ADGRG4: variants seen among roughly 807,000 people sequenced by gnomAD.
The protein encoded by ADGRG4 is adhesion G protein-coupled receptor G4, also known as G protein-coupled receptor 112.
Under a neutral mutation model 126.2 loss-of-function variants are expected in ADGRG4, and 122 were observed. The ratio of observed to expected loss-of-function variants is 0.97; its 90% CI spans 0.83 to 1.12. The LOEUF (loss-of-function observed/expected upper bound fraction) is 1.12. ADGRG4 is among the 50% of genes most tolerant of loss of function. ADGRG4 has a pLI of 0.00. For synonymous variants in ADGRG4, 943 were observed against 838.7 expected (o/e 1.12, Z -2.15); for missense variants, 2,481 against 2,251.8 (o/e 1.10, Z -2.06).
chrX:136,393,676 C>A, intron 18 of ADGRG4, 96 bp downstream of exon 18: 1 of 570,962 alleles, frequency 1.8e-6, no homozygotes, highest in Non-Finnish European at 3.0e-6. Flanking sequence ...ACTGTCTTAT[C>A]AGACCCTACA....
chrX:136,331,260 G>T (rs1161779184), intron 5 of ADGRG4, among the ~76,000 whole-genome samples: 1 of 112,031 alleles, frequency 8.9e-6, no homozygotes, highest in Non-Finnish European at 1.9e-5. Flanking sequence ...TGGACACTTA[G>T]GTTGCTTCCA....
chrX:136,376,727 G>GT (rs780353937), intron 15 of ADGRG4, among the ~76,000 whole-genome samples: 10 of 110,503 alleles, frequency 9.0e-5, no homozygotes, highest in African/African-American at 3.0e-4. Flanking sequence ...AAAAGATTGA[G>GT]TTTTTTATTT....
chrX:136,358,575 G>A (rs1000932522), intron 10 of ADGRG4, among the ~76,000 whole-genome samples: 25 of 112,104 alleles, frequency 2.2e-4, no homozygotes, highest in African/African-American at 7.8e-4. Flanking sequence ...TGAGGATCTT[G>A]CTGTAGAGGA....
intron 15 of ADGRG4, among the ~76,000 whole-genome samples, chrX:136,376,637 TG>T (rs1281226427): frequency 0.033 from 2,051 of 61,366 alleles, 23 homozygotes; most frequent in African/African-American, 0.061. Context: ...GGTATTGTAT[TG>T]TATTGTATTG....
chrX:136,309,982 AT>A (rs757584859), intron 4 of ADGRG4, among the ~76,000 whole-genome samples: 30 of 111,008 alleles, frequency 2.7e-4, no homozygotes, highest in Non-Finnish European at 5.5e-4. Context: ...CACAAACTCC[AT>A]TGGTTTTTGT....
intron 16 of ADGRG4, among the ~76,000 whole-genome samples, chrX:136,389,594 A>G (rs1386187339): frequency 8.9e-6 from 1 of 112,216 alleles, no homozygotes; most frequent in Non-Finnish European, 1.9e-5. Flanking sequence ...CATCCCATCT[A>G]TTCATTTTAC....
chrX:136,410,517 C>T (rs932870993), intron 23 of ADGRG4, among the ~76,000 whole-genome samples: 2 of 111,799 alleles, frequency 1.8e-5, no homozygotes, highest in African/African-American at 6.5e-5. Context: ...GGGTTAAGAC[C>T]TCTTTGATAC....
rs144553420 is a variant in ADGRG4, at chrX:136,412,324, A to C, written c.8995A>C (p.Ile2999Leu). 7.5e-5 allele frequency: 90 copies of C among 1,200,300 alleles called. No homozygotes were observed. Among genetic ancestry groups the C allele is most frequent in the Non-Finnish European group, 9.7e-5 (86 of 886,062 alleles). ...GGAGAGTGTGCGGGAGCAGTGGCAGATACACCTCTGCTGTGGGTGGTTGCG... is the reference window on the plus strand; with the variant it reads ...GGAGAGTGTGCGGGAGCAGTGGCAGCTACACCTCTGCTGTGGGTGGTTGCG... ...MKESVREQWQ[I>L]HLCCGWLRLD... The change falls in exon 24 of 26, where the codon ATA (isoleucine) becomes CTA (leucine). Residue 2999 changes from isoleucine (I) to leucine (L), a missense_variant. By Grantham distance (5) the Ile-to-Leu change is conservative. Transcript: ENST00000394143.
intron 5 of ADGRG4, among the ~76,000 whole-genome samples, chrX:136,342,253 T>C (rs1209275728): frequency 1.8e-5 from 2 of 112,026 alleles, no homozygotes; most frequent in East Asian, 5.6e-4. Flanking sequence ...ATTCTTACTT[T>C]CCAGTAGATA....
intron 4 of ADGRG4, among the ~76,000 whole-genome samples, chrX:136,317,020 A>G (rs2074808973): frequency 9.0e-6 from 1 of 111,676 alleles, no homozygotes; most frequent in South Asian, 3.8e-4. Context: ...CTATTTATTC[A>G]GTAAACAGCT....
chrX:136,346,294 C>T lies in ADGRG4; in HGVS notation c.2588C>T (p.Pro863Leu), dbSNP rs1288070711. Residue 863 changes from proline (P) to leucine (L), a missense_variant, in exon 6 of 26, where the codon CCA becomes CTA. By Grantham distance (98) the Pro-to-Leu change is moderately conservative (BLOSUM62 -3). Coordinates refer to ENST00000394143, the MANE Select transcript of ADGRG4 (RefSeq NM_153834.4). The part of the protein sequence containing the change: ...STIAAVAEVS[P>L]FSTMLEVTDE... Reference sequence around the variant, plus strand: ...ATAGCAGCAGTGGCTGAGGTTTCTCCATTTTCAACAATGCTGGAAGTGACA... The same window carrying T: ...ATAGCAGCAGTGGCTGAGGTTTCTCTATTTTCAACAATGCTGGAAGTGACA... The T allele has an allele frequency of 8.3e-7, 1 of 1,209,305 alleles. No individual in the cohort carries two copies. Among genetic ancestry groups the T allele is most frequent in the Non-Finnish European group, 1.1e-6 (1 of 894,567 alleles).
intron 5 of ADGRG4, among the ~76,000 whole-genome samples, chrX:136,341,990 A>G (rs190406642): frequency 2.5e-3 from 278 of 112,094 alleles, no homozygotes; most frequent in Non-Finnish European, 3.7e-3. Context: ...GGGTGATTTC[A>G]ATTGGAGAAA....
intron 13 of ADGRG4, among the ~76,000 whole-genome samples, chrX:136,368,342 A>G (rs2075172303): frequency 8.9e-6 from 1 of 112,112 alleles, no homozygotes; most frequent in Admixed American, 9.5e-5. Context: ...ATGCCCACCG[A>G]CTCATTCCCT....
At chrX:136,311,172 A>C (rs2074767736) in intron 4 of ADGRG4, among the ~76,000 whole-genome samples, 1 of 110,864 alleles carries the variant, frequency 9.0e-6, no homozygotes, top group Non-Finnish European at 1.9e-5. Flanking sequence ...TCATGCCCTC[A>C]TGTAAACCTA....
intron 5 of ADGRG4, among the ~76,000 whole-genome samples, chrX:136,341,478 G>C (rs1021008720): frequency 1.8e-5 from 2 of 111,994 alleles, no homozygotes; most frequent in Non-Finnish European, 3.8e-5. Context: ...TGCTAAGCCA[G>C]TTGGCTGGTG....
intron 19 of ADGRG4, among the ~76,000 whole-genome samples, chrX:136,396,285 A>G (rs1380444187): frequency 9.2e-6 from 1 of 108,117 alleles, no homozygotes; most frequent in South Asian, 3.9e-4. Flanking sequence ...TGTTATCTGA[A>G]TGTGTCATAT....
intron 5 of ADGRG4, among the ~76,000 whole-genome samples, chrX:136,339,000 T>G (rs1351896222): frequency 9.1e-6 from 1 of 109,768 alleles, no homozygotes; most frequent in African/African-American, 3.3e-5. Context: ...TGCTGGTGCT[T>G]CTTGGGTGGG....
chrX:136,332,980 C>T (rs2074922892), intron 5 of ADGRG4, among the ~76,000 whole-genome samples: 1 of 111,362 alleles, frequency 9.0e-6, no homozygotes, highest in Non-Finnish European at 1.9e-5. Flanking sequence ...ATGGTAGTTT[C>T]TTTTGCTGTG....
Position 136,381,761 on chromosome X carries a change from C to T in ADGRG4, c.7777-5979C>T, listed in dbSNP as rs768631117. The stretch of plus-strand genomic sequence containing the variant: ...TATTAACTTACATGATCACAAGGTC[C>T]CACAATAGGCTGTCTGCAAGCTTGA... On this transcript the variant is annotated intron_variant, in intron 15 of 25. Coordinates refer to ENST00000394143, the MANE Select transcript of ADGRG4 (RefSeq NM_153834.4). Among the ~76,000 whole-genome samples the T allele has an allele frequency of 2.7e-5, 3 of 110,391 alleles. 1 individual carries two copies. Among genetic ancestry groups the T allele is most frequent in the Admixed American group, 1.9e-4 (2 of 10,285 alleles).
Sources: allele counts gnomAD v4.1 joint callset (sites outside exome capture counted in the v4.1 genomes callset), GRCh38; gene constraint gnomAD v4.1.1; transcripts MANE v1.5; gene names NCBI Gene and HGNC (gene_info 2026-07-23, HGNC 2026-07-21).